KCTD16: variants seen among roughly 807,000 people sequenced by gnomAD.
KCTD16 encodes the protein BTB/POZ domain-containing protein KCTD16.
A neutral mutation model predicts 33.2 loss-of-function variants in KCTD16; 13 were observed. The observed-to-expected ratio is 0.39, with a 90% CI of 0.25 to 0.62. KCTD16 has a LOEUF of 0.62. KCTD16 is among the 20% of genes least tolerant of loss of function. KCTD16 has a pLI of 0.50. For synonymous variants in KCTD16, 197 were observed against 195.3 expected (o/e 1.01, Z -0.07); for missense variants, 441 against 525.1 (o/e 0.84, Z 1.57).
intron 3 of KCTD16, among the ~76,000 whole-genome samples, chr5:144,285,981 T>TTTC (rs1491479260): frequency 1.4e-5 from 2 of 140,540 alleles, no homozygotes; most frequent in African/African-American, 5.1e-5. Flanking sequence ...TTTTTTTTTT[T>TTTC]CAGATAAAAG....
chr5:144,272,305 C>A (rs1248294293), intron 3 of KCTD16, among the ~76,000 whole-genome samples: 1 of 152,036 alleles, frequency 6.6e-6, no homozygotes, highest in Non-Finnish European at 1.5e-5. Context: ...TGATCCATAC[C>A]TGTAATTTCA....
At chr5:144,297,133 T>A (rs993587347) in intron 3 of KCTD16, among the ~76,000 whole-genome samples, 1 of 152,216 alleles carries the variant, frequency 6.6e-6, no homozygotes, top group African/African-American at 2.4e-5. Flanking sequence ...CAGATCAATA[T>A]TTCCTTTGAT....
At chr5:144,205,221 A>T in intron 2 of KCTD16, 1 of 256,390 alleles carries the variant, frequency 3.9e-6, no homozygotes. Flanking sequence ...CGCGCCTGGC[A>T]ATCGCGTGCC....
intron 3 of KCTD16, among the ~76,000 whole-genome samples, chr5:144,346,895 C>T (rs1752815289): frequency 6.6e-6 from 1 of 152,034 alleles, no homozygotes; most frequent in African/African-American, 2.4e-5. Context: ...CTTTGGTTTC[C>T]TATGCTTGTT....
In KCTD16 at chr5:144,206,780, C is replaced by T; in HGVS notation, c.66C>T (p.Ser22=). The T allele has an allele frequency of 6.2e-7, 1 of 1,614,152 alleles. No homozygotes were observed. The highest frequency in any genetic ancestry group is 8.5e-7 in the Non-Finnish European group (1 of 1,180,016). Residue 22 remains serine (S), a synonymous_variant, in exon 3 of 4, where the codon TCC becomes TCT. Transcript: ENST00000512467. ...AACAAGGGTCCGCAGTTCCCAACTC[C>T]TTCCCTGAGGTGGTAGAGCTGAATG... ...PREQGSAVPN[S]FPEVVELNVG... is the part of the protein sequence containing the mutation.
chr5:144,347,674 G>A (rs1752840825), intron 3 of KCTD16, among the ~76,000 whole-genome samples: 1 of 152,158 alleles, frequency 6.6e-6, no homozygotes, highest in Admixed American at 6.5e-5. Context: ...GAGGATTGCA[G>A]GCAGAGGAAA....
At chr5:144,319,005 C>A (rs569128065) in intron 3 of KCTD16, among the ~76,000 whole-genome samples, 2 of 151,700 alleles carry the variant, frequency 1.3e-5, no homozygotes, top group East Asian at 1.9e-4. Flanking sequence ...GAGGAAATGA[C>A]TAAAATAATT....
chr5:144,457,119 A>C (rs1040553158), intron 3 of KCTD16, among the ~76,000 whole-genome samples: 1 of 152,248 alleles, frequency 6.6e-6, no homozygotes, highest in Non-Finnish European at 1.5e-5. Context: ...ACGCACACTT[A>C]TCAAATCTGT....
At chr5:144,245,804 C>T (rs1267541935) in intron 3 of KCTD16, among the ~76,000 whole-genome samples, 5 of 152,196 alleles carry the variant, frequency 3.3e-5, no homozygotes, top group African/African-American at 1.2e-4. Context: ...GCTCCCCCTT[C>T]ACCTTCTGCC....
At chr5:144,469,846 A>T (rs2126999787) in intron 3 of KCTD16, among the ~76,000 whole-genome samples, 1 of 151,866 alleles carries the variant, frequency 6.6e-6, no homozygotes, top group African/African-American at 2.4e-5. Context: ...CAGGCACCAA[A>T]AATCATATAA....
chr5:144,443,124 G>A (rs988250561), intron 3 of KCTD16, among the ~76,000 whole-genome samples: 1 of 152,064 alleles, frequency 6.6e-6, no homozygotes, highest in Non-Finnish European at 1.5e-5. Flanking sequence ...AATGAGAAAC[G>A]CAGGCAGGCT....
intron 3 of KCTD16, among the ~76,000 whole-genome samples, chr5:144,454,816 C>T (rs771195693): frequency 1.6e-4 from 25 of 151,908 alleles, no homozygotes; most frequent in Admixed American, 1.3e-4. Flanking sequence ...CTGTAAAAAG[C>T]GGTTGAACTT....
At position 144,458,208 on chromosome 5, in the gene KCTD16, G is replaced by A. The variant is rs556360750; in HGVS notation, c.833-15452G>A. Among the ~76,000 whole-genome samples, 12 of 152,232 alleles carry A rather than the reference G, an allele frequency of 7.9e-5. No homozygotes were observed. In the South Asian group the frequency reaches 2.5e-3, roughly 32 times the overall value. ...ATTTCTCAAACAACCTCATAGGCAG[G>A]TACTGCTATTGCCCCCATGTTACAG... On this transcript the variant is annotated intron_variant, in intron 3 of 3. Coordinates refer to ENST00000512467, the MANE Select transcript of KCTD16 (RefSeq NM_020768.4).
rs1432722507 is a variant in KCTD16, at chr5:144,205,591, A to G, written c.-326-798A>G. 1.8e-5 allele frequency: 7 copies of G among 398,516 alleles called. 1 individual carries two copies. The highest frequency in any genetic ancestry group is 3.1e-5 in the Non-Finnish European group (7 of 226,104). The allele number at this position is 398,516 out of a possible 1,614,324, so 24.7% of individuals were successfully genotyped here. ...GGACCCTAGCAGGGCACATCTCTCC[A>G]TCTTTCTGCTTCTGGGCTTTCTGAA... On this transcript the variant is annotated intron_variant, in intron 2 of 3. Coordinates refer to ENST00000512467, the MANE Select transcript of KCTD16 (RefSeq NM_020768.4).
intron 3 of KCTD16, among the ~76,000 whole-genome samples, chr5:144,464,802 C>G (rs928495395): frequency 6.6e-6 from 1 of 151,504 alleles, no homozygotes. Flanking sequence ...TTCATAGCTG[C>G]GAATTGTTAG....
intron 3 of KCTD16, among the ~76,000 whole-genome samples, chr5:144,386,431 T>G (rs1189111773): frequency 6.6e-6 from 1 of 152,240 alleles, no homozygotes; most frequent in Non-Finnish European, 1.5e-5. Context: ...TAGGTAGTTA[T>G]TGACCACTCT....
intron 3 of KCTD16, among the ~76,000 whole-genome samples, chr5:144,281,588 A>T (rs1755610668): frequency 6.6e-6 from 1 of 151,916 alleles, no homozygotes; most frequent in African/African-American, 2.4e-5. Flanking sequence ...AAATGCTTTG[A>T]AGTTTGTTTT....
chr5:144,215,125 A>T (rs1455378554), intron 3 of KCTD16, among the ~76,000 whole-genome samples: 1 of 152,150 alleles, frequency 6.6e-6, no homozygotes, highest in Non-Finnish European at 1.5e-5. Flanking sequence ...AGCATTTTAC[A>T]TACTAGTTGG....
At chr5:144,466,128 C>T (rs1218959562) in intron 3 of KCTD16, among the ~76,000 whole-genome samples, 1 of 152,050 alleles carries the variant, frequency 6.6e-6, no homozygotes, top group Non-Finnish European at 1.5e-5. Context: ...GTGAGCCAGC[C>T]TACCCGGCCA....
Sources: allele counts gnomAD v4.1 joint callset (sites outside exome capture counted in the v4.1 genomes callset), GRCh38; gene constraint gnomAD v4.1.1; transcripts MANE v1.5; gene names NCBI Gene and HGNC (gene_info 2026-07-23, HGNC 2026-07-21).